NBDY: variants seen among roughly 807,000 people sequenced by gnomAD.
NBDY encodes the protein negative regulator of P-body association.
intron 2 of NBDY, among the ~76,000 whole-genome samples, chrX:56,750,201 G>C (rs971461990): frequency 1.8e-5 from 2 of 111,474 alleles, no homozygotes; most frequent in African/African-American, 6.5e-5. Context: ...CTTTGTGGAA[G>C]AGGTTACCAT....
chrX:56,755,700 A>G (rs1209063166), intron 2 of NBDY, among the ~76,000 whole-genome samples: 3 of 110,573 alleles, frequency 2.7e-5, no homozygotes, highest in Non-Finnish European at 5.7e-5. Flanking sequence ...GTGGGACTGT[A>G]AACTAGTTGA....
At chrX:56,782,268 CT>C (rs2069697000) in intron 2 of NBDY, among the ~76,000 whole-genome samples, 1 of 110,633 alleles carries the variant, frequency 9.0e-6, no homozygotes, top group African/African-American at 3.3e-5. Flanking sequence ...TTCCTCTTCT[CT>C]TTTTTGTTTT....
At chrX:56,808,599 G>T (rs777541244) in intron 2 of NBDY, among the ~76,000 whole-genome samples, 1 of 112,060 alleles carries the variant, frequency 8.9e-6, no homozygotes, top group South Asian at 3.7e-4. Context: ...GGGATCAGTG[G>T]TGATATCCCC....
At chrX:56,741,135 T>A (rs955718840) in intron 2 of NBDY, among the ~76,000 whole-genome samples, 2 of 111,503 alleles carry the variant, frequency 1.8e-5, no homozygotes, top group Non-Finnish European at 3.8e-5. Context: ...CATAATGATA[T>A]CCAGTTCCAT....
chrX:56,807,906 G>T (rs1038466594), intron 2 of NBDY, among the ~76,000 whole-genome samples: 1 of 112,055 alleles, frequency 8.9e-6, no homozygotes, highest in East Asian at 2.8e-4. Context: ...TTTTCAAAGG[G>T]AGTACTTCCA....
chrX:56,730,258 A>G (rs1478973605), intron 1 of NBDY, among the ~76,000 whole-genome samples: 1 of 108,603 alleles, frequency 9.2e-6, no homozygotes, highest in East Asian at 2.9e-4. Context: ...GCTCACGCCT[A>G]TTATCCTAGC....
At chrX:56,783,164 A>T (rs880731) in intron 2 of NBDY, among the ~76,000 whole-genome samples, 4,594 of 112,549 alleles carry the variant, frequency 0.041, 233 homozygotes, top group African/African-American at 0.14. Flanking sequence ...ACAAGAGAGG[A>T]ACTCCTTGCT....
At chrX:56,767,647 C>G (rs1201717406) in intron 2 of NBDY, among the ~76,000 whole-genome samples, 1 of 113,549 alleles carries the variant, frequency 8.8e-6, no homozygotes, top group African/African-American at 3.2e-5. Context: ...CCAGCAGCTA[C>G]TGTGCTCCAC....
intron 1 of NBDY, among the ~76,000 whole-genome samples, chrX:56,731,422 A>G (rs769018269): frequency 5.2e-4 from 55 of 106,162 alleles, no homozygotes; most frequent in Middle Eastern, 4.8e-3. Flanking sequence ...AAAAAAAAAA[A>G]TAGCCGGTCA....
chrX:56,814,922 G>C (rs748475230), intron 2 of NBDY, among the ~76,000 whole-genome samples: 13 of 110,474 alleles, frequency 1.2e-4, no homozygotes, highest in Non-Finnish European at 2.5e-4. Flanking sequence ...ATAGCTAATA[G>C]AGAATATATT....
At chrX:56,814,959 T>C (rs2069904451) in intron 2 of NBDY, among the ~76,000 whole-genome samples, 1 of 111,631 alleles carries the variant, frequency 9.0e-6, no homozygotes, top group Non-Finnish European at 1.9e-5. Context: ...AACCTTTACT[T>C]CATTCTATAA....
At chrX:56,730,498 C>T (rs1180542001) in intron 1 of NBDY, among the ~76,000 whole-genome samples, 3 of 15,299 alleles carry the variant, frequency 2.0e-4, no homozygotes, top group African/African-American at 6.3e-4. Flanking sequence ...GCGACAATAG[C>T]AAAAAACTAC....
At chrX:56,764,895 G>A (rs2069658036) in intron 2 of NBDY, among the ~76,000 whole-genome samples, 1 of 111,091 alleles carries the variant, frequency 9.0e-6, no homozygotes, top group South Asian at 3.8e-4. Context: ...GGGCTTGAGG[G>A]GCTGATGCTT....
intron 2 of NBDY, among the ~76,000 whole-genome samples, chrX:56,784,462 G>A (rs755251715): frequency 9.0e-6 from 1 of 111,728 alleles, no homozygotes; most frequent in East Asian, 2.8e-4. Context: ...GGCTGTCCTG[G>A]AGAGAAAGCC....
At chrX:56,752,913 C>A (rs2069592993) in intron 2 of NBDY, among the ~76,000 whole-genome samples, 1 of 111,907 alleles carries the variant, frequency 8.9e-6, no homozygotes, top group Non-Finnish European at 1.9e-5. Context: ...ACCCAGCCAG[C>A]AACTATTGAA....
intron 2 of NBDY, among the ~76,000 whole-genome samples, chrX:56,749,673 A>G (rs2069574303): frequency 1.0e-5 from 1 of 100,355 alleles, no homozygotes; most frequent in Non-Finnish European, 2.0e-5. Flanking sequence ...TTTTTTTGAG[A>G]CAGGGTCTCA....
intron 2 of NBDY, among the ~76,000 whole-genome samples, chrX:56,786,297 A>G (rs760196198): frequency 1.4e-4 from 16 of 110,799 alleles, no homozygotes; most frequent in Non-Finnish European, 2.5e-4. Context: ...CTCAGGAGAG[A>G]TCCCATTGAC....
At chrX:56,809,141 C>A (rs929935354) in intron 2 of NBDY, among the ~76,000 whole-genome samples, 2 of 112,138 alleles carry the variant, frequency 1.8e-5, no homozygotes, top group African/African-American at 3.2e-5. Flanking sequence ...AATTTCCGTT[C>A]TTTTGCATTT....
rs143453472 is a variant in NBDY, at chrX:56,745,433, A to G, written c.*166+13234A>G. 6.1e-3 allele frequency among the ~76,000 whole-genome samples: 673 copies of G among 110,499 alleles called. 3 individuals are homozygous for G. Among genetic ancestry groups the G allele is most frequent in the Middle Eastern group, 0.032 (7 of 217 alleles). On this transcript the variant is annotated intron_variant, in intron 2 of 2. Coordinates refer to ENST00000374922, the MANE Select transcript of NBDY (RefSeq NM_001348129.2). The stretch of plus-strand genomic sequence containing the variant: ...TATATACATATATGTATATATACAT[A>G]CACAGATTTTTTTGCTGAGCCATTG...
Sources: allele counts gnomAD v4.1 joint callset (sites outside exome capture counted in the v4.1 genomes callset), GRCh38; gene constraint gnomAD v4.1.1; transcripts MANE v1.5; gene names NCBI Gene and HGNC (gene_info 2026-07-23, HGNC 2026-07-21).